The following NDUFS4 variants were observed in gnomAD, a reference collection of about 807,000 sequenced individuals.
NDUFS4 encodes NADH dehydrogenase [ubiquinone] iron-sulfur protein 4, mitochondrial.
A neutral mutation model predicts 24.3 loss-of-function variants in NDUFS4; 28 were observed. The ratio of observed to expected loss-of-function variants is 1.15; its 90% CI spans 0.85 to 1.58. The LOEUF is 1.58. Ranked by LOEUF, NDUFS4 falls within the 40% of genes most tolerant of loss-of-function variation. The pLI is 0.00. For synonymous variants in NDUFS4, 93 were observed against 69.7 expected, an observed-to-expected ratio of 1.34 and a Z score of -1.67; for missense variants, 223 against 207.9, an observed-to-expected ratio of 1.07 and a Z score of -0.45.
intron 2 of NDUFS4, among the ~76,000 whole-genome samples, chr5:53,635,628 A>G (rs532050876): frequency 2.0e-5 from 3 of 152,330 alleles, no homozygotes; most frequent in Admixed American, 1.3e-4. Flanking sequence ...TACTTTTGTA[A>G]TTCTAAGTAT....
rs142182369 is a variant in NDUFS4, at chr5:53,638,835, C to A, written c.178-7398C>A. Reference sequence around the variant, plus strand: ...AACTTTGTCATTTTAACAGAGAAGACCAAATTTCTAGTTTTGCATCAGTGT... The same window carrying A: ...AACTTTGTCATTTTAACAGAGAAGAACAAATTTCTAGTTTTGCATCAGTGT... On this transcript the variant is annotated intron_variant, in intron 2 of 4. Coordinates refer to ENST00000296684, the MANE Select transcript of NDUFS4 (RefSeq NM_002495.4). Among the ~76,000 whole-genome samples, 438 of 152,174 alleles carry A rather than the reference C, an allele frequency of 2.9e-3. 3 individuals are homozygous for A. Among genetic ancestry groups the A allele is most frequent in the African/African-American group, 0.01 (433 of 41,532 alleles).
At chr5:53,597,074 T>A (rs1209790380) in intron 1 of NDUFS4, among the ~76,000 whole-genome samples, 1 of 152,204 alleles carries the variant, frequency 6.6e-6, no homozygotes, top group Non-Finnish European at 1.5e-5. Context: ...GTCTGCTCCA[T>A]GTGGTGTCTG....
At chr5:53,659,461 T>C (rs1466376049) in intron 4 of NDUFS4, among the ~76,000 whole-genome samples, 1 of 152,266 alleles carries the variant, frequency 6.6e-6, no homozygotes, top group South Asian at 2.1e-4. Context: ...AGCTGATACA[T>C]AATAGATGTT....
At chr5:53,586,161 T>A (rs546525241) in intron 1 of NDUFS4, among the ~76,000 whole-genome samples, 1 of 151,726 alleles carries the variant, frequency 6.6e-6, no homozygotes, top group Admixed American at 6.6e-5. Flanking sequence ...AAACCCCATC[T>A]CTACTAAAAA....
intron 4 of NDUFS4, among the ~76,000 whole-genome samples, chr5:53,660,649 T>G (rs1369962196): frequency 6.6e-6 from 1 of 152,154 alleles, no homozygotes; most frequent in African/African-American, 2.4e-5. Flanking sequence ...CTCCACATCC[T>G]CTCCAGCACC....
chr5:53,646,484 C>G, intron 3 of NDUFS4, 79 bp downstream of exon 3: 1 of 1,451,968 alleles, frequency 6.9e-7, no homozygotes, highest in Non-Finnish European at 9.6e-7. Flanking sequence ...GATTTTCAAA[C>G]TCTTTTATGT....
intron 1 of NDUFS4, among the ~76,000 whole-genome samples, chr5:53,581,904 T>G (rs1253127551): frequency 6.6e-6 from 1 of 152,174 alleles, no homozygotes; most frequent in Non-Finnish European, 1.5e-5. Context: ...TTTCTAATAT[T>G]AATCATTAAA....
intron 2 of NDUFS4, among the ~76,000 whole-genome samples, chr5:53,630,562 G>T (rs1378708398): frequency 6.6e-6 from 1 of 151,968 alleles, no homozygotes; most frequent in Non-Finnish European, 1.5e-5. Context: ...ATATTTCTTG[G>T]AGGCTTTGTT....
chr5:53,592,876 T>A (rs1750018680), intron 1 of NDUFS4, among the ~76,000 whole-genome samples: 1 of 152,186 alleles, frequency 6.6e-6, no homozygotes, highest in Admixed American at 6.5e-5. Context: ...CATATGAATT[T>A]TAGAATCATG....
At chr5:53,655,978 A>C (rs536611808) in intron 3 of NDUFS4, among the ~76,000 whole-genome samples, 2 of 152,174 alleles carry the variant, frequency 1.3e-5, no homozygotes, top group African/African-American at 4.8e-5. Flanking sequence ...ACCTTGCTGA[A>C]TCATGTACAG....
intron 1 of NDUFS4, among the ~76,000 whole-genome samples, chr5:53,600,429 C>T (rs527695872): frequency 8.5e-5 from 13 of 152,252 alleles, no homozygotes; most frequent in Admixed American, 5.2e-4. Flanking sequence ...CTGCCTCAAC[C>T]TCCTGAGTAG....
At chr5:53,594,717 T>A (rs1750078199) in intron 1 of NDUFS4, among the ~76,000 whole-genome samples, 1 of 152,156 alleles carries the variant, frequency 6.6e-6, no homozygotes, top group South Asian at 2.1e-4. Context: ...TGTTCAGAAA[T>A]TATTTTTCAT....
chr5:53,679,164 G>A (rs951761235), intron 4 of NDUFS4, among the ~76,000 whole-genome samples: 2 of 152,128 alleles, frequency 1.3e-5, no homozygotes, highest in Non-Finnish European at 2.9e-5. Flanking sequence ...TTCCTCATAT[G>A]CTCCTTTGCG....
At position 53,622,003 on chromosome 5, in the gene NDUFS4, AATT is replaced by A. The variant is rs566881032; in HGVS notation, c.177+18480_177+18482del. On this transcript the variant is annotated intron_variant, in intron 2 of 4. Transcript: ENST00000296684. ...GCGTGAGCCACCGCGCCCGGCCGTA[AATT>A]ATTATTTTTGCATTAAACAGTTGTC... 8.4e-3 allele frequency among the ~76,000 whole-genome samples: 1,272 copies of A among 152,142 alleles called. 20 individuals carry two copies. The highest frequency in any genetic ancestry group is 0.029 in the African/African-American group (1,213 of 41,494).
At chr5:53,629,840 G>C (rs1284433579) in intron 2 of NDUFS4, among the ~76,000 whole-genome samples, 1 of 152,060 alleles carries the variant, frequency 6.6e-6, no homozygotes, top group Non-Finnish European at 1.5e-5. Context: ...CAATTTGCCA[G>C]TCTGTGTCTT....
At chr5:53,573,768 A>G (rs955212037) in intron 1 of NDUFS4, 2 of 217,516 alleles carry the variant, frequency 9.2e-6, no homozygotes, top group African/African-American at 4.7e-5. Flanking sequence ...TTCTTATTTT[A>G]TTTTTTTGTA....
chr5:53,667,190 G>A (rs904565300), intron 4 of NDUFS4, among the ~76,000 whole-genome samples: 1 of 151,442 alleles, frequency 6.6e-6, no homozygotes, highest in Non-Finnish European at 1.5e-5. Flanking sequence ...GGGAGGCCAG[G>A]CGCGGTGGCT....
At chr5:53,566,137 C>T (rs895637038) in intron 1 of NDUFS4, among the ~76,000 whole-genome samples, 1 of 152,164 alleles carries the variant, frequency 6.6e-6, no homozygotes, top group Non-Finnish European at 1.5e-5. Flanking sequence ...CGCACCACTG[C>T]ACTCTAGCCT....
chr5:53,594,641 A>C (rs1328004062), intron 1 of NDUFS4, among the ~76,000 whole-genome samples: 2 of 152,018 alleles, frequency 1.3e-5, no homozygotes, highest in African/African-American at 2.4e-5. Flanking sequence ...TGTATCCTAC[A>C]GATTAGTCTT....
Sources: gnomAD v4.1 joint callset for allele counts (sites outside exome capture counted in the v4.1 genomes callset) on GRCh38, gnomAD v4.1.1 for gene constraint, MANE v1.5 for transcripts, NCBI Gene and HGNC (gene_info 2026-07-23, HGNC 2026-07-21) for gene names.